Variants in PCDHA4 observed in about 807,000 individuals in gnomAD.
PCDHA4 encodes the protein protocadherin alpha-4.
Under a neutral mutation model 61.4 loss-of-function variants are expected in PCDHA4, and 49 were observed. The ratio of observed to expected loss-of-function variants is 0.80; its 90% CI spans 0.63 to 1.01. The LOEUF (loss-of-function observed/expected upper bound fraction) is 1.01. PCDHA4 is among the 50% of genes least tolerant of loss of function. The probability of loss-of-function intolerance (pLI) is 0.00; values close to 1 mark genes in which losing one functional copy is unlikely to be tolerated. For missense variants in PCDHA4, 1,254 were observed against 1,235.8 expected, an observed-to-expected ratio of 1.01 and a Z score of -0.22; for synonymous variants, 590 against 550.3, an observed-to-expected ratio of 1.07 and a Z score of -1.01.
intron 1 of PCDHA4, chr5:140,829,800 T>A (rs2150175020): frequency 1.9e-6 from 3 of 1,613,688 alleles, no homozygotes; most frequent in East Asian, 2.2e-5. Flanking sequence ...GCGCCTCGGG[T>A]GGGTGGTACT....
intron 1 of PCDHA4, among the ~76,000 whole-genome samples, chr5:140,895,297 T>TC (rs1269688627): frequency 1.3e-5 from 2 of 152,118 alleles, no homozygotes; most frequent in African/African-American, 2.4e-5. Context: ...ACCTTCGATT[T>TC]CCCCCCTTCC....
At chr5:140,856,003 T>G (rs1554148087) in intron 1 of PCDHA4, 3 of 1,536,896 alleles carry the variant, frequency 2.0e-6, no homozygotes, top group Non-Finnish European at 2.6e-6. Flanking sequence ...CGTATGTGCG[T>G]TCTAGACCGC....
chr5:140,870,582 G>T (rs1554164436), intron 1 of PCDHA4: 2 of 1,613,846 alleles, frequency 1.2e-6, no homozygotes, highest in Non-Finnish European at 1.7e-6. Flanking sequence ...CCTACTCGCT[G>T]GTGGAGCGGC....
intron 1 of PCDHA4, among the ~76,000 whole-genome samples, chr5:140,911,931 T>C (rs1057514341): frequency 1.8e-4 from 28 of 152,134 alleles, no homozygotes; most frequent in African/African-American, 6.8e-4. Context: ...ACTAATAGGA[T>C]AGATGTATAT....
intron 1 of PCDHA4, among the ~76,000 whole-genome samples, chr5:140,839,729 A>G (rs1554137556): frequency 6.6e-6 from 1 of 152,080 alleles, no homozygotes; most frequent in Non-Finnish European, 1.5e-5. Flanking sequence ...CATTTCACAG[A>G]AAATACCCTT....
At chr5:140,822,664 A>C (rs1554128805) in intron 1 of PCDHA4, 1 of 1,608,030 alleles carries the variant, frequency 6.2e-7, no homozygotes, top group African/African-American at 1.3e-5. Context: ...AATTAATTCT[A>C]ATACTGGTGA....
At chr5:140,876,752 C>A (rs374137138) in intron 1 of PCDHA4, 2 of 1,614,194 alleles carry the variant, frequency 1.2e-6, no homozygotes, top group Non-Finnish European at 1.7e-6. Context: ...GTGGTGACTG[C>A]GCGGGATGGG....
chr5:140,840,170 C>T (rs1278225135), intron 1 of PCDHA4, among the ~76,000 whole-genome samples: 3 of 151,784 alleles, frequency 2.0e-5, no homozygotes, highest in African/African-American at 7.3e-5. Context: ...GGGATGTATA[C>T]AAATTTTAAA....
intron 1 of PCDHA4, chr5:140,876,322 A>G (rs146464308): frequency 6.2e-7 from 1 of 1,614,034 alleles, no homozygotes; most frequent in Non-Finnish European, 8.5e-7. Context: ...GATCAAAATG[A>G]TTTTGCCAGT....
chr5:140,833,056 T>C (rs2150205806), intron 1 of PCDHA4, among the ~76,000 whole-genome samples: 1 of 152,172 alleles, frequency 6.6e-6, no homozygotes, highest in East Asian at 1.9e-4. Flanking sequence ...AAAAGTAATA[T>C]GAGAAAAACC....
At chr5:140,830,141 G>C in intron 1 of PCDHA4, 1 of 1,613,398 alleles carries the variant, frequency 6.2e-7, no homozygotes, top group South Asian at 1.1e-5. Flanking sequence ...ACGGGCGTCG[G>C]TGGGCGCCGC....
chr5:140,869,135 C>T, intron 1 of PCDHA4: 1 of 1,613,026 alleles, frequency 6.2e-7, no homozygotes. Flanking sequence ...GGATTGGGCA[C>T]CCCACGACTA....
chr5:140,884,352 A>C, intron 1 of PCDHA4: 1 of 1,613,828 alleles, frequency 6.2e-7, no homozygotes, highest in African/African-American at 1.3e-5. Context: ...GCGCTGGTGG[A>C]TGTCAATGTT....
chr5:140,877,361 A>G, intron 1 of PCDHA4: 6 of 1,613,976 alleles, frequency 3.7e-6, no homozygotes, highest in Non-Finnish European at 5.1e-6. Context: ...TACACTGGCG[A>G]GATCAGCACG....
At chr5:140,842,946 T>C (rs2150348496) in intron 1 of PCDHA4, 1 of 1,594,616 alleles carries the variant, frequency 6.3e-7, no homozygotes, top group Non-Finnish European at 8.6e-7. Flanking sequence ...GACGCGGGCG[T>C]GCCGCCTCTG....
chr5:140,835,560 G>A, intron 1 of PCDHA4: 3 of 1,613,902 alleles, frequency 1.9e-6, no homozygotes, highest in Non-Finnish European at 2.5e-6. Flanking sequence ...GACGCCCCGC[G>A]TTCCCTTCAA....
At chr5:141,003,814 G>A (rs2098139841) in intron 3 of PCDHA4, among the ~76,000 whole-genome samples, 1 of 152,088 alleles carries the variant, frequency 6.6e-6, no homozygotes, top group Admixed American at 6.6e-5. Context: ...CTGTAGTCTG[G>A]GAAGGGCTCT....
chr5:140,808,722 C>T lies in PCDHA4; in HGVS notation c.1535C>T (p.Ala512Val). 1.2e-6 allele frequency: 2 copies of T among 1,612,134 alleles called. No homozygotes were observed. Among genetic ancestry groups the T allele is most frequent in the Non-Finnish European group, 1.7e-6 (2 of 1,179,794 alleles). ...CTGTCGAGCTACGTTTCGGTGCATG[C>T]GGAGAGCGGCAAGGTGTACGCGCTG... ...RALSSYVSVHAESGKVYALQP... is the reference protein window; with the variant it reads ...RALSSYVSVHVESGKVYALQP... The change falls in exon 1 of 4, where the codon GCG becomes GTG. Residue 512 changes from alanine to valine, a missense_variant. Ala to Val is a moderately conservative substitution (Grantham distance 64). Transcript: ENST00000530339.
intron 1 of PCDHA4, chr5:140,823,973 G>C: frequency 1.9e-6 from 3 of 1,614,090 alleles, no homozygotes; most frequent in South Asian, 2.2e-5. Flanking sequence ...GTGTGCACAC[G>C]GGGCAAGCCC....
Sources: gnomAD v4.1 joint callset for allele counts (sites outside exome capture counted in the v4.1 genomes callset) on GRCh38, gnomAD v4.1.1 for gene constraint, MANE v1.5 for transcripts, NCBI Gene and HGNC (gene_info 2026-07-23, HGNC 2026-07-21) for gene names.